ABHD17B: variants seen among roughly 807,000 people sequenced by gnomAD.
ABHD17B encodes alpha/beta hydrolase domain-containing protein 17B.
A neutral mutation model predicts 26.2 loss-of-function variants in ABHD17B; 9 were observed. That is an observed-to-expected ratio of 0.34 (90% CI 0.21 to 0.60). The LOEUF (loss-of-function observed/expected upper bound fraction) is 0.60. Ranked by LOEUF, ABHD17B falls within the 20% of genes least tolerant of loss-of-function variation. ABHD17B has a pLI of 0.80. For synonymous variants in ABHD17B, 127 were observed against 122.3 expected, an observed-to-expected ratio of 1.04 and a Z score of -0.25; for missense variants, 224 against 352.1, an observed-to-expected ratio of 0.64 and a Z score of 2.91.
chr9:71,865,054 A>G (rs1483534968), downstream of ABHD17B: 1 of 658,824 alleles, frequency 1.5e-6, no homozygotes, highest in African/African-American at 2.0e-5. Flanking sequence ...ATAATTTTAA[A>G]AATTTTCAAA....
intron 1 of ABHD17B, among the ~76,000 whole-genome samples, chr9:71,888,219 A>C (rs973922298): frequency 1.3e-5 from 2 of 152,236 alleles, no homozygotes; most frequent in African/African-American, 4.8e-5. Context: ...ATATTCCTAT[A>C]AAACTTTTGG....
chr9:71,884,581 C>A (rs1448728679), intron 1 of ABHD17B, among the ~76,000 whole-genome samples: 1 of 146,290 alleles, frequency 6.8e-6, no homozygotes, highest in Non-Finnish European at 1.5e-5. Context: ...TCTAAGGGTA[C>A]ATATGTCAGA....
At chr9:71,887,137 A>G (rs1826634673) in intron 1 of ABHD17B, among the ~76,000 whole-genome samples, 1 of 152,138 alleles carries the variant, frequency 6.6e-6, no homozygotes, top group South Asian at 2.1e-4. Flanking sequence ...TGGAAAAAAA[A>G]ATGTACTGGG....
chr9:71,885,335 C>T (rs1826574864), intron 1 of ABHD17B, among the ~76,000 whole-genome samples: 1 of 151,692 alleles, frequency 6.6e-6, no homozygotes, highest in Non-Finnish European at 1.5e-5. Context: ...AGGCGTACAC[C>T]TGTCATCCCA....
At chr9:71,874,229 G>A (rs561161289) in intron 2 of ABHD17B, among the ~76,000 whole-genome samples, 1 of 150,876 alleles carries the variant, frequency 6.6e-6, no homozygotes, top group African/African-American at 2.4e-5. Flanking sequence ...CTGTCACTCA[G>A]GCTGGAGTGC....
chr9:71,908,362 A>C (rs1827345946), intron 1 of ABHD17B, among the ~76,000 whole-genome samples: 1 of 149,398 alleles, frequency 6.7e-6, no homozygotes, highest in South Asian at 2.2e-4. Context: ...ATTGCACGCC[A>C]GCCTGGGCAA....
chr9:71,876,832 G>A (rs1490644989), intron 1 of ABHD17B, among the ~76,000 whole-genome samples: 1 of 152,090 alleles, frequency 6.6e-6, no homozygotes, highest in Non-Finnish European at 1.5e-5. Context: ...AACAAGGGTA[G>A]GTATAACATA....
At chr9:71,872,840 A>G (rs562710177) in intron 2 of ABHD17B, among the ~76,000 whole-genome samples, 1 of 152,140 alleles carries the variant, frequency 6.6e-6, no homozygotes, top group East Asian at 1.9e-4. Context: ...ACCATCCCCC[A>G]TCAACTCTTT....
Position 71,898,692 on chromosome 9 carries a change from T to G in ABHD17B, c.-4+11942A>C, listed in dbSNP as rs139433724. On this transcript the variant is annotated intron_variant, in intron 1 of 3. Coordinates refer to ENST00000333421, the MANE Select transcript of ABHD17B (RefSeq NM_001025780.3). ...ATGGGAAAGGGCGGGTTTAGACATGTGAGAAATTTAAAAACAAATCTCTGG... is the reference window on the plus strand; with the variant it reads ...ATGGGAAAGGGCGGGTTTAGACATGGGAGAAATTTAAAAACAAATCTCTGG... Among the ~76,000 whole-genome samples, 1,092 of 151,948 alleles carry G rather than the reference T, an allele frequency of 7.2e-3. 9 individuals are homozygous for G. Among genetic ancestry groups the G allele is most frequent in the Non-Finnish European group, 0.011 (742 of 67,942 alleles).
rs1826280794 is a variant in ABHD17B, at chr9:71,876,508, C to T, written c.-3-1425G>A. ...TTCTATCTTGTCCTTTTTCAAATTC[C>T]TGTCTCTTTTTAGCAAAATTAGGCC... On this transcript the variant is annotated intron_variant, in intron 1 of 3. Coordinates refer to ENST00000333421, the MANE Select transcript of ABHD17B (RefSeq NM_001025780.3). Among the ~76,000 whole-genome samples the T allele has an allele frequency of 3.3e-5, 5 of 151,872 alleles. No individual in the cohort carries two copies. The South Asian group carries it at 1.0e-3, about 32-fold the overall frequency.
At chr9:71,871,849 G>A (rs773587853) in intron 2 of ABHD17B, among the ~76,000 whole-genome samples, 2 of 152,134 alleles carry the variant, frequency 1.3e-5, no homozygotes, top group Non-Finnish European at 2.9e-5. Context: ...GGAACTCAAG[G>A]ACTTTGTGGG....
intron 1 of ABHD17B, among the ~76,000 whole-genome samples, chr9:71,880,127 A>G (rs2132152907): frequency 6.6e-6 from 1 of 152,346 alleles, no homozygotes; most frequent in African/African-American, 2.4e-5. Flanking sequence ...TAAAAGGACA[A>G]AATTGGCACA....
chr9:71,869,971 A>G (rs13298345), intron 3 of ABHD17B, 112 bp downstream of exon 3: 110,102 of 965,262 alleles, frequency 0.11, 7,066 homozygotes, highest in Non-Finnish European at 0.12. Flanking sequence ...TCTATGTGCT[A>G]ATATATATAA....
downstream of ABHD17B, among the ~76,000 whole-genome samples, chr9:71,863,248 A>G (rs986820382): frequency 5.9e-5 from 9 of 152,222 alleles, no homozygotes; most frequent in Non-Finnish European, 1.0e-4. Context: ...TTTAGTCATC[A>G]GTTAAGGCTA....
intron 2 of ABHD17B, among the ~76,000 whole-genome samples, chr9:71,872,782 G>A (rs962266001): frequency 2.0e-5 from 3 of 151,986 alleles, no homozygotes; most frequent in African/African-American, 7.2e-5. Context: ...ATATGTAAAA[G>A]ATTTTTATTT....
intron 3 of ABHD17B, among the ~76,000 whole-genome samples, chr9:71,868,033 C>G (rs1826005954): frequency 7.3e-6 from 1 of 136,978 alleles, no homozygotes; most frequent in Non-Finnish European, 1.6e-5. Flanking sequence ...ATGGTGAAAC[C>G]CCGTCTCTAC....
In ABHD17B at chr9:71,904,470, T is replaced by C. The variant is rs559343062; in HGVS notation, c.-4+6164A>G. ...ATTTATATTCAAGTAACATTTAAAT[T>C]TAGCCTGAAATTCTATTCTGTTAAA... On this transcript the variant is annotated intron_variant, in intron 1 of 3. Coordinates refer to ENST00000333421, the MANE Select transcript of ABHD17B (RefSeq NM_001025780.3). 2.6e-5 allele frequency among the ~76,000 whole-genome samples: 4 copies of C among 152,334 alleles called. No individual in the cohort carries two copies. The South Asian group carries it at 8.3e-4, about 32-fold the overall frequency.
intron 1 of ABHD17B, among the ~76,000 whole-genome samples, chr9:71,901,518 T>C (rs1011749015): frequency 1.3e-5 from 2 of 152,240 alleles, no homozygotes; most frequent in African/African-American, 4.8e-5. Flanking sequence ...TTTTAACCTA[T>C]TTATTTATTT....
chr9:71,882,571 T>A (rs1207949637), intron 1 of ABHD17B, among the ~76,000 whole-genome samples: 1 of 151,820 alleles, frequency 6.6e-6, no homozygotes, highest in African/African-American at 2.4e-5. Flanking sequence ...GGCAGGAGAA[T>A]TGCTTGAACT....
Sources: allele counts gnomAD v4.1 joint callset (sites outside exome capture counted in the v4.1 genomes callset), GRCh38; gene constraint gnomAD v4.1.1; transcripts MANE v1.5; gene names NCBI Gene and HGNC (gene_info 2026-07-23, HGNC 2026-07-21).